Variants in CYCS observed in about 807,000 individuals in gnomAD.
CYCS encodes cytochrome c, somatic, also known as cytochrome c.
For missense variants in CYCS, 87 were observed against 125.3 expected, an observed-to-expected ratio of 0.69 and a Z score of 1.46; for synonymous variants, 41 against 43.0, an observed-to-expected ratio of 0.95 and a Z score of 0.18.
intron 1 of CYCS, 161 bp downstream of exon 1, chr7:25,125,039 C>T (rs1451895246): frequency 6.6e-6 from 1 of 152,442 alleles, no homozygotes; most frequent in African/African-American, 2.4e-5. Context: ...CCGTTACTCG[C>T]CCAGCTCGGT....
rs1340973454 is a variant in CYCS, at chr7:25,123,765, C to T, written c.254G>A (p.Gly85Asp). The T allele has an allele frequency of 1.2e-6, 2 of 1,610,690 alleles. No homozygotes were observed. The highest frequency in any genetic ancestry group is 1.7e-6 in the Non-Finnish European group (2 of 1,179,990). The change falls in exon 3 of 3, where the codon GGC becomes GAC. Residue 85 changes from glycine to aspartate, a missense_variant. Physicochemically the swap from Gly to Asp is moderately conservative, Grantham distance 94. Transcript: ENST00000305786. ...YIPGTKMIFV[G>D]IKKKEERADL... The stretch of plus-strand genomic sequence containing the variant: ...TGCCCTTTCTTCCTTCTTCTTAATG[C>T]CGACAAAGATCATTTTTGTTCCAGG...
rs567852891 is a variant in CYCS, at chr7:25,120,088, A to T, written c.*3613T>A. 1 of 134,194 alleles carries T rather than the reference A, an allele frequency of 7.5e-6. No homozygotes were observed. The highest frequency in any genetic ancestry group is 3.2e-5 in the African/African-American group (1 of 31,112). The allele number at this position is 134,194 out of a possible 1,614,324, so 8.3% of individuals were successfully genotyped here. A position where few individuals can be genotyped will look rare whatever the true frequency, so the allele number is the denominator to read the frequency against. On this transcript the variant is annotated 3_prime_UTR_variant, in exon 3 of 3. Transcript: ENST00000305786. The stretch of plus-strand genomic sequence containing the variant: ...AATATAATGTACTTCCAAGAATTCT[A>T]GATTTTTTTTTTTTTTTGGAGACAG...
intron 2 of CYCS, 48 bp downstream of exon 2, chr7:25,123,903 G>T (rs756836708): frequency 7.4e-6 from 12 of 1,613,944 alleles, no homozygotes; most frequent in Admixed American, 6.7e-5. Context: ...TTTGCCACAT[G>T]TTATATTCCT....
chr7:25,120,256 TTA>T lies in CYCS; in HGVS notation c.*3443_*3444del, dbSNP rs1364248529. 6.6e-6 allele frequency: 1 copy of T among 152,168 alleles called. No individual in the cohort carries two copies. Among genetic ancestry groups the T allele is most frequent in the African/African-American group, 2.4e-5 (1 of 41,440 alleles). 9.4% of individuals were successfully genotyped at this position (152,168 alleles called of 1,614,324 possible). ...GCCCACCACCACACCTGGCTAATTTTTATGTTTTTTGTAGAGACAGGGTTTCG... is the reference window on the plus strand; with the variant it reads ...GCCCACCACCACACCTGGCTAATTTTTGTTTTTTGTAGAGACAGGGTTTCG... On this transcript the variant is annotated 3_prime_UTR_variant, in exon 3 of 3. Coordinates refer to ENST00000305786, the MANE Select transcript of CYCS (RefSeq NM_018947.6).
At chr7:25,123,928 T>C (rs1245972556) in intron 2 of CYCS, 23 bp downstream of exon 2, 1 of 1,614,216 alleles carries the variant, frequency 6.2e-7, no homozygotes, top group Non-Finnish European at 8.5e-7. Flanking sequence ...TTTGTGTTGT[T>C]TTATTTAACA....
chr7:25,120,070 T>C lies in CYCS; in HGVS notation c.*3631A>G, dbSNP rs1783334946. The C allele has an allele frequency of 6.6e-6, 1 of 150,872 alleles. No homozygotes were observed. The highest frequency in any genetic ancestry group is 2.5e-5 in the African/African-American group (1 of 40,594). The allele number at this position is 150,872 out of a possible 1,614,324, so 9.3% of individuals were successfully genotyped here. A position where few individuals can be genotyped will look rare whatever the true frequency, so the allele number is the denominator to read the frequency against. ...GAATCTATTCTGAAGGGCAATATAA[T>C]GTACTTCCAAGAATTCTAGATTTTT... On this transcript the variant is annotated 3_prime_UTR_variant, in exon 3 of 3. Transcript: ENST00000305786.
chr7:25,122,067 C>G lies in CYCS; in HGVS notation c.*1634G>C, dbSNP rs1390983785. The stretch of plus-strand genomic sequence containing the variant: ...TCTCTAGCCTTCACTTCAGGTCTTT[C>G]TCATTAGTCCAGAATTGTCCCCTTG... On this transcript the variant is annotated 3_prime_UTR_variant, in exon 3 of 3. Transcript: ENST00000305786. 1 of 151,276 alleles carries G rather than the reference C, an allele frequency of 6.6e-6. No individual in the cohort carries two copies. The highest frequency in any genetic ancestry group is 1.5e-5 in the Non-Finnish European group (1 of 67,930). The allele number at this position is 151,276 out of a possible 1,614,324, so 9.4% of individuals were successfully genotyped here. A position where few individuals can be genotyped will look rare whatever the true frequency, so the allele number is the denominator to read the frequency against.
In CYCS at chr7:25,118,841, T is replaced by C. The variant is rs985174689; in HGVS notation, c.*4860A>G. On this transcript the variant is annotated 3_prime_UTR_variant, in exon 3 of 3. Coordinates refer to ENST00000305786, the MANE Select transcript of CYCS (RefSeq NM_018947.6). ...ACATTTTAACATGTTTAAATGTTCA[T>C]AGACACATACAACCTGCACTTTTAC... 1.8e-4 allele frequency among the ~76,000 whole-genome samples: 27 copies of C among 152,372 alleles called. No individual in the cohort carries two copies. The highest frequency in any genetic ancestry group is 5.5e-4 in the African/African-American group (23 of 41,596).
rs549148951 is a variant in CYCS at position 25,119,433 on chromosome 7, G to A, written c.*4268C>T. ...CTGCAATTACAGGTGCCGCCACCAC[G>A]CCCAGCTAGTTTTTATATTTTTGGT... On this transcript the variant is annotated 3_prime_UTR_variant, in exon 3 of 3. Coordinates refer to ENST00000305786, the MANE Select transcript of CYCS (RefSeq NM_018947.6). Among the ~76,000 whole-genome samples the A allele has an allele frequency of 5.9e-5, 9 of 151,968 alleles. No individual in the cohort carries two copies. The highest frequency in any genetic ancestry group is 3.4e-3 in the Middle Eastern group (1 of 294).
Position 25,122,120 on chromosome 7 carries a change from T to A in CYCS, c.*1581A>T, listed in dbSNP as rs577216159. 5 of 152,038 alleles carry A rather than the reference T, an allele frequency of 3.3e-5. No individual in the cohort carries two copies. Among genetic ancestry groups the A allele is most frequent in the Non-Finnish European group, 7.4e-5 (5 of 68,016 alleles). The allele number at this position is 152,038 out of a possible 1,614,324, so 9.4% of individuals were successfully genotyped here. A position where few individuals can be genotyped will look rare whatever the true frequency, so the allele number is the denominator to read the frequency against. ...AGCTACTTGCTACACTGTCCCTGAA[T>A]ACCACTAACTTTATACAGTCACCAA... On this transcript the variant is annotated 3_prime_UTR_variant, in exon 3 of 3. Transcript: ENST00000305786.
At position 25,123,815 on chromosome 7, in the gene CYCS, A is replaced by G. The variant is rs376388060; in HGVS notation, c.204T>C (p.Tyr68=). The G allele has an allele frequency of 8.7e-6, 14 of 1,613,886 alleles. No homozygotes were observed. The highest frequency in any genetic ancestry group is 1.2e-5 in the Non-Finnish European group (14 of 1,180,030). Residue 68 remains tyrosine, a synonymous_variant, in exon 3 of 3, where the codon TAT becomes TAC. Coordinates refer to ENST00000305786, the MANE Select transcript of CYCS (RefSeq NM_018947.6). The part of the protein sequence containing the change: ...IIWGEDTLME[Y]LENPKKYIPG... ...GGATGTACTTCTTGGGATTCTCCAA[A>G]TACTCCATCAGTGTATCCTCTCCCC... is the stretch of plus-strand genomic sequence containing the variant.
rs200005784 is a variant in CYCS, at chr7:25,119,425, G to C, written c.*4276C>G. Among the ~76,000 whole-genome samples the C allele has an allele frequency of 1.3e-5, 2 of 151,844 alleles. No individual in the cohort carries two copies. Among genetic ancestry groups the C allele is most frequent in the East Asian group, 3.9e-4 (2 of 5,168 alleles). On this transcript the variant is annotated 3_prime_UTR_variant, in exon 3 of 3. Coordinates refer to ENST00000305786, the MANE Select transcript of CYCS (RefSeq NM_018947.6). ...TCAAATAGCTGCAATTACAGGTGCC[G>C]CCACCACGCCCAGCTAGTTTTTATA...
rs1783363823 is a variant in CYCS at position 25,121,568 on chromosome 7, TG to T, written c.*2132del. 1 of 151,978 alleles carries T rather than the reference TG, an allele frequency of 6.6e-6. No homozygotes were observed. The highest frequency in any genetic ancestry group is 2.1e-4 in the South Asian group (1 of 4,812). The allele number at this position is 151,978 out of a possible 1,614,324, so 9.4% of individuals were successfully genotyped here. On this transcript the variant is annotated 3_prime_UTR_variant, in exon 3 of 3. Coordinates refer to ENST00000305786, the MANE Select transcript of CYCS (RefSeq NM_018947.6). Reference sequence around the variant, plus strand: ...AAATAAATGAGAAAAATTTTAAACCTGAAAAAAAATTAAACCTAAGTTACTA... The same window carrying T: ...AAATAAATGAGAAAAATTTTAAACCTAAAAAAAATTAAACCTAAGTTACTA...
chr7:25,119,635 C>T lies in CYCS; in HGVS notation c.*4066G>A, dbSNP rs1168337294. 6.6e-6 allele frequency among the ~76,000 whole-genome samples: 1 copy of T among 151,876 alleles called. No homozygotes were observed. The highest frequency in any genetic ancestry group is 2.4e-5 in the African/African-American group (1 of 41,314). On this transcript the variant is annotated 3_prime_UTR_variant, in exon 3 of 3. Transcript: ENST00000305786. ...TTTATCTGTTGCCCAGGCTGGAGTG[C>T]AGTAGCACAATCACAGCTACACTGC...
rs1161554530 is a variant in CYCS, at chr7:25,123,946, C to G, written c.169+5G>C. 14 of 1,614,110 alleles carry G rather than the reference C, an allele frequency of 8.7e-6. No individual in the cohort carries two copies. The highest frequency in any genetic ancestry group is 1.7e-5 in the Admixed American group (1 of 60,020). Reference sequence around the variant, plus strand: ...GTGTTGTTTTATTTAACAAGTGACTCTTACCTTTGTTCTTATTGGCGGCTG... The same window carrying G: ...GTGTTGTTTTATTTAACAAGTGACTGTTACCTTTGTTCTTATTGGCGGCTG... On this transcript the variant is annotated splice_donor_5th_base_variant and intron_variant, in intron 2 of 2. Transcript: ENST00000305786.
rs1408088649 is a variant in CYCS, at chr7:25,119,451, T to C, written c.*4250A>G. On this transcript the variant is annotated 3_prime_UTR_variant, in exon 3 of 3. Transcript: ENST00000305786. ...CCACCACGCCCAGCTAGTTTTTATA[T>C]TTTTGGTAGAGATGGGGTTTCACCA... Among the ~76,000 whole-genome samples the C allele has an allele frequency of 2.6e-5, 4 of 152,012 alleles. No homozygotes were observed. Among genetic ancestry groups the C allele is most frequent in the Non-Finnish European group, 5.9e-5 (4 of 68,010 alleles).
rs891317187 is a variant in CYCS, at chr7:25,120,594, C to A, written c.*3107G>T. The stretch of plus-strand genomic sequence containing the variant: ...TACCACACTGGACAGCAAAAGTCTA[C>A]AAAATATCCATCGTCACAGAAAGTT... On this transcript the variant is annotated 3_prime_UTR_variant, in exon 3 of 3. Transcript: ENST00000305786. The A allele has an allele frequency of 6.6e-6, 1 of 152,216 alleles. No individual in the cohort carries two copies. The highest frequency in any genetic ancestry group is 1.5e-5 in the Non-Finnish European group (1 of 68,038). 9.4% of individuals were successfully genotyped at this position (152,216 alleles called of 1,614,324 possible). A position where few individuals can be genotyped will look rare whatever the true frequency, so the allele number is the denominator to read the frequency against.
In CYCS at chr7:25,121,452, A is replaced by C. The variant is rs1041998725; in HGVS notation, c.*2249T>G. On this transcript the variant is annotated 3_prime_UTR_variant, in exon 3 of 3. Coordinates refer to ENST00000305786, the MANE Select transcript of CYCS (RefSeq NM_018947.6). ...CAGCTACTCAGGAGGCTGAGGCAGG[A>C]GAATCACTTGCAACTGGAAGGCGGA... is the stretch of plus-strand genomic sequence containing the variant. 6.6e-6 allele frequency: 1 copy of C among 152,224 alleles called. No homozygotes were observed. The highest frequency in any genetic ancestry group is 6.5e-5 in the Admixed American group (1 of 15,270). 9.4% of individuals were successfully genotyped at this position (152,224 alleles called of 1,614,324 possible).
rs1783322211 is a variant in CYCS, at chr7:25,119,300, G to T, written c.*4401C>A. On this transcript the variant is annotated 3_prime_UTR_variant, in exon 3 of 3. Transcript: ENST00000305786. The stretch of plus-strand genomic sequence containing the variant: ...GGAAACTTTTTTTCTTTTTGAGACG[G>T]AGTTTCACTATTGTTGCCCAGGCTG... Among the ~76,000 whole-genome samples, 1 of 152,154 alleles carries T rather than the reference G, an allele frequency of 6.6e-6. No individual in the cohort carries two copies. The highest frequency in any genetic ancestry group is 1.5e-5 in the Non-Finnish European group (1 of 68,032).
Sources: gnomAD v4.1 joint callset for allele counts (sites outside exome capture counted in the v4.1 genomes callset) on GRCh38, gnomAD v4.1.1 for gene constraint, MANE v1.5 for transcripts, NCBI Gene and HGNC (gene_info 2026-07-23, HGNC 2026-07-21) for gene names.